PSMD4: variants seen among roughly 807,000 people sequenced by gnomAD.
PSMD4 encodes 26S proteasome non-ATPase regulatory subunit 4.
In PSMD4, 5 loss-of-function variants were observed where a neutral mutation model predicts 39.7. The ratio of observed to expected loss-of-function variants is 0.13; its 90% confidence interval spans 0.07 to 0.26. PSMD4 has a LOEUF of 0.26. Among genes scored for constraint, PSMD4 ranks in the 10% least tolerant of loss-of-function variants. PSMD4 has a pLI of 1.00. For synonymous variants in PSMD4, 143 were observed against 174.6 expected (o/e 0.82, Z 1.43); for missense variants, 272 against 486.1 (o/e 0.56, Z 4.14).
rs1693473398 is a variant in PSMD4 at position 151,267,311 on chromosome 1, A to G, written c.1102A>G (p.Lys368Glu). ...GGCCTCCCAGGCCACCAAGGACGGCAAGAAGGACAAGAAGGAGGAAGACAA... is the reference window on the plus strand; with the variant it reads ...GGCCTCCCAGGCCACCAAGGACGGCGAGAAGGACAAGAAGGAGGAAGACAA... ...SLASQATKDG[K>E]KDKKEEDKK Residue 368 changes from lysine to glutamate, a missense_variant, in exon 10 of 10, where the codon AAG becomes GAG. Lys to Glu is a moderately conservative substitution (Grantham distance 56). Around this residue, in one of 3 missense-constraint regions of PSMD4, gnomAD observed 113 missense variants for 184.6 expected, o/e 0.61. Coordinates refer to ENST00000368884, the MANE Select transcript of PSMD4 (RefSeq NM_002810.4). 4 of 1,613,952 alleles carry G rather than the reference A, an allele frequency of 2.5e-6. No individual in the cohort carries two copies. The highest frequency in any genetic ancestry group is 3.4e-6 in the Non-Finnish European group (4 of 1,179,822).
chr1:151,260,753 T>C (rs1322812247), intron 1 of PSMD4, among the ~76,000 whole-genome samples: 1 of 151,992 alleles, frequency 6.6e-6, no homozygotes, highest in East Asian at 1.9e-4. Context: ...GCCAGGCTGG[T>C]CTCAAACTCC....
rs776886888 is a variant in PSMD4, at chr1:151,265,431, C to T, written c.476C>T (p.Thr159Met). The T allele has an allele frequency of 1.3e-5, 21 of 1,614,092 alleles. 1 individual carries two copies. Among genetic ancestry groups the T allele is most frequent in the Middle Eastern group, 1.6e-4 (1 of 6,084 alleles). The change falls in exon 6 of 10, where the codon ACG becomes ATG. Residue 159 changes from threonine to methionine, a missense_variant. By Grantham distance (81) the Thr-to-Met change is moderately conservative (BLOSUM62 -1). Coordinates refer to ENST00000368884, the MANE Select transcript of PSMD4 (RefSeq NM_002810.4). ...NTEKLTAFVNTLNGKDGTGSH... is the reference protein window; with the variant it reads ...NTEKLTAFVNMLNGKDGTGSH... ...GAAAAGCTGACAGCCTTTGTAAACA[C>T]GTTGAATGGCAAAGATGGAACCGGT...
intron 3 of PSMD4, 45 bp from the exon 4 acceptor site, chr1:151,264,787 G>A (rs768637431): frequency 2.1e-6 from 3 of 1,462,040 alleles, no homozygotes; most frequent in South Asian, 2.3e-5. Flanking sequence ...AAAGAGCTGA[G>A]TGATTCCTCT....
At chr1:151,267,044 C>G (rs1357609415) in intron 9 of PSMD4, 129 bp from the exon 10 acceptor site, 9 of 1,121,104 alleles carry the variant, frequency 8.0e-6, no homozygotes, top group Middle Eastern at 2.0e-4. Flanking sequence ...TTACGTCGAC[C>G]AGAGGTGCCC....
rs1303247393 is a variant in PSMD4 at position 151,264,117 on chromosome 1, A to G, written c.282+89A>G. The G allele has an allele frequency of 3.9e-6, 4 of 1,035,054 alleles. No homozygotes were observed. In the East Asian group the frequency reaches 8.0e-5, roughly 21 times the overall value. The allele number at this position is 1,035,054 out of a possible 1,614,324, so 64.1% of individuals were successfully genotyped here. A position where few individuals can be genotyped will look rare whatever the true frequency, so the allele number is the denominator to read the frequency against. ...CATTTCTCCCCTGGAATCCTGAGCT[A>G]GGACCAGAGCAAGAGAAAGCTAACT... On this transcript the variant is annotated intron_variant, in intron 3 of 9. Coordinates refer to ENST00000368884, the MANE Select transcript of PSMD4 (RefSeq NM_002810.4).
At position 151,266,103 on chromosome 1, in the gene PSMD4, G is replaced by T; in HGVS notation, c.754G>T (p.Gly252Trp). The change falls in exon 7 of 10, where the codon GGG (glycine) becomes TGG (tryptophan). Residue 252 changes from glycine to tryptophan, a missense_variant. This residue lies in a region of PSMD4 where 113 missense variants were observed against 184.6 expected (regional missense o/e 0.61). Transcript: ENST00000368884. ...SAAEAGIATT[G>W]TEDSDDALLK... is the part of the protein sequence containing the mutation. ...TGCTGAGGCCGGGATTGCTACGACT[G>T]GGACTGAAGGTGAAAGAGGTGGAAT... 2 of 1,604,858 alleles carry T rather than the reference G, an allele frequency of 1.2e-6. No homozygotes were observed. Among genetic ancestry groups the T allele is most frequent in the South Asian group, 1.1e-5 (1 of 89,586 alleles).
chr1:151,255,880 T>C (rs142033837), intron 1 of PSMD4, among the ~76,000 whole-genome samples: 1 of 152,282 alleles, frequency 6.6e-6, no homozygotes, highest in African/African-American at 2.4e-5. Context: ...AACAGTGTTC[T>C]CTTTTCTCGC....
intron 9 of PSMD4, 71 bp from the exon 10 acceptor site, chr1:151,267,102 T>G: frequency 6.4e-7 from 1 of 1,573,974 alleles, no homozygotes; most frequent in African/African-American, 1.3e-5. Context: ...AGCGGCATGC[T>G]CCTGTCCTTA....
chr1:151,257,696 C>T (rs376315587), intron 1 of PSMD4, among the ~76,000 whole-genome samples: 4 of 149,756 alleles, frequency 2.7e-5, no homozygotes, highest in Middle Eastern at 3.3e-3. Context: ...TCCAGGCACC[C>T]GCCACCATAC....
At chr1:151,256,772 G>A (rs587771493) in intron 1 of PSMD4, among the ~76,000 whole-genome samples, 14 of 131,188 alleles carry the variant, frequency 1.1e-4, no homozygotes, top group Admixed American at 9.5e-4. Flanking sequence ...CGCTCTTATT[G>A]CCCAGGCTGG....
In PSMD4 at chr1:151,262,238, T is replaced by C; in HGVS notation, c.104T>C (p.Ile35Thr). The C allele has an allele frequency of 6.2e-7, 1 of 1,614,162 alleles. No homozygotes were observed. The highest frequency in any genetic ancestry group is 1.1e-5 in the South Asian group (1 of 91,086). Residue 35 changes from isoleucine to threonine, a missense_variant, in exon 2 of 10, where the codon ATA becomes ACA. This residue lies in a region of PSMD4 where 153 missense variants were observed against 257.6 expected (regional missense o/e 0.59). Transcript: ENST00000368884. ...CAGGCCCAGCAGGATGCTGTCAACATAGTTTGTCATTCAAAGACCCGCAGC... is the reference window on the plus strand; with the variant it reads ...CAGGCCCAGCAGGATGCTGTCAACACAGTTTGTCATTCAAAGACCCGCAGC... ...RLQAQQDAVN[I>T]VCHSKTRSNP...
intron 6 of PSMD4, 52 bp downstream of exon 6, chr1:151,265,661 T>G: frequency 6.4e-7 from 1 of 1,551,696 alleles, no homozygotes; most frequent in Non-Finnish European, 8.9e-7. Context: ...TTTGTTCTCT[T>G]CTGGCACACA....
intron 9 of PSMD4, chr1:151,266,897 G>T: frequency 1.4e-6 from 1 of 707,782 alleles, no homozygotes; most frequent in Middle Eastern, 2.3e-4. Flanking sequence ...GGTGTCTTGA[G>T]AGCAGGAAAC....
chr1:151,264,988 A>G, intron 4 of PSMD4, 70 bp downstream of exon 4: 2 of 1,427,632 alleles, frequency 1.4e-6, no homozygotes, highest in Non-Finnish European at 2.0e-6. Flanking sequence ...AGCCCTCAGG[A>G]GAACCTGGCA....
intron 1 of PSMD4, among the ~76,000 whole-genome samples, chr1:151,256,364 A>AATAAAT (rs1491378808): frequency 0.013 from 606 of 45,648 alleles, 37 homozygotes; most frequent in Middle Eastern, 0.024. Context: ...AAATAATAAT[A>AATAAAT]AAATAAATAA....
At position 151,265,197 on chromosome 1, in the gene PSMD4, A is replaced by T; in HGVS notation, c.401A>T (p.Glu134Val). The T allele has an allele frequency of 6.2e-7, 1 of 1,613,574 alleles. No individual in the cohort carries two copies. Among genetic ancestry groups the T allele is most frequent in the Non-Finnish European group, 8.5e-7 (1 of 1,179,854 alleles). The change falls in exon 5 of 10, where the codon GAG (glutamate) becomes GTG (valine). Residue 134 changes from glutamate (E) to valine (V), a missense_variant. Around this residue, in one of 3 missense-constraint regions of PSMD4, gnomAD observed 153 missense variants for 257.6 expected, o/e 0.59. Coordinates refer to ENST00000368884, the MANE Select transcript of PSMD4 (RefSeq NM_002810.4). ...AAACTGGCTAAACGCCTCAAGAAGG[A>T]GAAAGTAAATGTTGACATTATCAAT... ...LVKLAKRLKK[E>V]KVNVDIINFG...
Position 151,267,473 on chromosome 1 carries a change from C to A in PSMD4, c.*130C>A. On this transcript the variant is annotated 3_prime_UTR_variant, in exon 10 of 10. Coordinates refer to ENST00000368884, the MANE Select transcript of PSMD4 (RefSeq NM_002810.4). ...CTTGGCAACTTTTTTTCCTTTTTTGCTTCAAATATTGATGGTTTTGAGTGT... is the reference window on the plus strand; with the variant it reads ...CTTGGCAACTTTTTTTCCTTTTTTGATTCAAATATTGATGGTTTTGAGTGT... The A allele has an allele frequency of 1.9e-6, 2 of 1,060,498 alleles. No individual in the cohort carries two copies. Among genetic ancestry groups the A allele is most frequent in the Non-Finnish European group, 2.7e-6 (2 of 738,772 alleles). 65.7% of individuals were successfully genotyped at this position (1,060,498 alleles called of 1,614,324 possible). A position where few individuals can be genotyped will look rare whatever the true frequency, so the allele number is the denominator to read the frequency against.
chr1:151,256,367 ATAAAT>A lies in PSMD4; in HGVS notation c.26+1560_26+1564del, dbSNP rs1465195494. ...TCAAAAAAAAAAAAATAATAATAAA[ATAAAT>A]AAATAAATAAATAAATAAATAAAAA... On this transcript the variant is annotated intron_variant, in intron 1 of 9. Coordinates refer to ENST00000368884, the MANE Select transcript of PSMD4 (RefSeq NM_002810.4). 4.2e-4 allele frequency among the ~76,000 whole-genome samples: 58 copies of A among 139,494 alleles called. 2 individuals are homozygous for A. The highest frequency in any genetic ancestry group is 3.4e-3 in the East Asian group (15 of 4,412). 91.5% of individuals were successfully genotyped at this position (139,494 alleles called of 152,430 possible). A position where few individuals can be genotyped will look rare whatever the true frequency, so the allele number is the denominator to read the frequency against.
chr1:151,265,967 G>T, intron 6 of PSMD4, 37 bp from the exon 7 acceptor site: 1 of 1,536,122 alleles, frequency 6.5e-7, no homozygotes. Flanking sequence ...TAGGAGTGAG[G>T]GCAGGGGAGC....
Sources: allele counts gnomAD v4.1 joint callset (sites outside exome capture counted in the v4.1 genomes callset), GRCh38; gene constraint gnomAD v4.1.1; regional missense constraint gnomAD v4.1.1; transcripts MANE v1.5; gene names NCBI Gene and HGNC (gene_info 2026-07-23, HGNC 2026-07-21).